The following TRIO variants were observed in gnomAD, a reference collection of about 807,000 sequenced individuals.
TRIO encodes the protein triple functional domain protein.
Under a neutral mutation model 351.9 loss-of-function variants are expected in TRIO, and 58 were observed. The observed-to-expected ratio is 0.16, with a 90% CI of 0.13 to 0.21. The LOEUF is 0.21. TRIO is among the 10% of genes least tolerant of loss of function. The pLI, the probability that TRIO is intolerant of heterozygous loss-of-function variation, is 1.00. For missense variants in TRIO, 3,201 were observed against 4,027.8 expected (o/e 0.79, Z 5.56); for synonymous variants, 1,758 against 1,595.7 (o/e 1.10, Z -2.42).
intron 7 of TRIO, among the ~76,000 whole-genome samples, chr5:14,301,079 C>A (rs1365180409): frequency 6.6e-6 from 1 of 152,052 alleles, no homozygotes; most frequent in African/African-American, 2.4e-5. Context: ...TGAGTGGCTC[C>A]CAGATTGGAG....
intron 1 of TRIO, among the ~76,000 whole-genome samples, chr5:14,208,353 G>A: frequency 6.6e-6 from 1 of 152,228 alleles, no homozygotes; most frequent in East Asian, 1.9e-4. Flanking sequence ...TCTGACACAT[G>A]CCACAACCTG....
chr5:14,227,415 A>G (rs1398512969), intron 1 of TRIO, among the ~76,000 whole-genome samples: 1 of 152,052 alleles, frequency 6.6e-6, no homozygotes, highest in African/African-American at 2.4e-5. Flanking sequence ...TTACAGTGTA[A>G]CTCTAGACTT....
At chr5:14,442,253 A>T (rs560194984) in intron 34 of TRIO, among the ~76,000 whole-genome samples, 1 of 152,162 alleles carries the variant, frequency 6.6e-6, no homozygotes, top group East Asian at 1.9e-4. Flanking sequence ...ATCCGCGTAT[A>T]TGCTTCGGAA....
rs1051241584 is a variant in TRIO, at chr5:14,498,243, C to G, written c.8202C>G (p.Ile2734Met). Residue 2734 changes from isoleucine (I) to methionine (M), a missense_variant, in exon 52 of 57, where the codon ATC (isoleucine) becomes ATG (methionine). Ile to Met is a conservative substitution (Grantham distance 10). Around this residue, in one of 19 missense-constraint regions of TRIO, gnomAD observed 1,089 missense variants for 954.9 expected, o/e 1.14. Transcript: ENST00000344204. ...TGAACAACGATGGTCACTACAGCAT[C>G]TCCTACAGGTGAGGGAGGCCCACTC... Reference protein sequence around the residue: ...NTLNNDGHYSISYSDLGEATL... With the variant: ...NTLNNDGHYSMSYSDLGEATL... 3.1e-6 allele frequency: 5 copies of G among 1,614,120 alleles called. No homozygotes were observed. Among genetic ancestry groups the G allele is most frequent in the Non-Finnish European group, 2.5e-6 (3 of 1,179,940 alleles).
chr5:14,437,461 A>T (rs1751675019), intron 34 of TRIO, among the ~76,000 whole-genome samples: 1 of 152,278 alleles, frequency 6.6e-6, no homozygotes. Flanking sequence ...TCATGCCCTG[A>T]TGAGCTGTGC....
intron 13 of TRIO, 82 bp downstream of exon 13, chr5:14,359,613 C>A: frequency 6.6e-7 from 1 of 1,505,044 alleles, no homozygotes; most frequent in South Asian, 1.3e-5. Context: ...TTGTCTCTGC[C>A]CTGCTGAGGT....
intron 1 of TRIO, among the ~76,000 whole-genome samples, chr5:14,267,181 C>T (rs2152266984): frequency 6.6e-6 from 1 of 152,308 alleles, no homozygotes; most frequent in African/African-American, 2.4e-5. Flanking sequence ...AGTTGCTCTT[C>T]TTTGTCTAGG....
chr5:14,409,580 A>G (rs1466802864), intron 33 of TRIO, among the ~76,000 whole-genome samples: 3 of 152,088 alleles, frequency 2.0e-5, no homozygotes, highest in Non-Finnish European at 2.9e-5. Context: ...CACGCCTGTA[A>G]TCCCAGCACT....
At chr5:14,170,207 TA>T (rs1789012718) in intron 1 of TRIO, among the ~76,000 whole-genome samples, 1 of 152,186 alleles carries the variant, frequency 6.6e-6, no homozygotes, top group African/African-American at 2.4e-5. Context: ...ACTAGACATA[TA>T]AAAAAGACTT....
At chr5:14,321,749 A>C (rs989468558) in intron 9 of TRIO, among the ~76,000 whole-genome samples, 2 of 152,150 alleles carry the variant, frequency 1.3e-5, no homozygotes. Context: ...CATAATTCCC[A>C]CTTGTCATGG....
At chr5:14,490,594 T>C (rs1272739865) in intron 48 of TRIO, among the ~76,000 whole-genome samples, 2 of 152,224 alleles carry the variant, frequency 1.3e-5, no homozygotes, top group African/African-American at 4.8e-5. Flanking sequence ...GCCCTGCCTT[T>C]CTTGCACAGG....
At chr5:14,182,184 G>A (rs762228207) in intron 1 of TRIO, among the ~76,000 whole-genome samples, 10 of 151,952 alleles carry the variant, frequency 6.6e-5, no homozygotes, top group Non-Finnish European at 1.3e-4. Flanking sequence ...ACTTCTCTGT[G>A]TTATTCCTCA....
chr5:14,278,901 A>G (rs929119677), intron 2 of TRIO, among the ~76,000 whole-genome samples: 1 of 152,242 alleles, frequency 6.6e-6, no homozygotes, highest in African/African-American at 2.4e-5. Context: ...CAGTAGTTCG[A>G]AAGATCATGC....
rs371099175 is a variant in TRIO, at chr5:14,235,788, T to C, written c.158-35037T>C. On this transcript the variant is annotated intron_variant, in intron 1 of 56. Coordinates refer to ENST00000344204, the MANE Select transcript of TRIO (RefSeq NM_007118.4). ...ATGGATAGGGGATATAGGCTTTTTG[T>C]GGTTTCACTGATAAAACTGTACATT... 2.0e-5 allele frequency among the ~76,000 whole-genome samples: 3 copies of C among 152,244 alleles called. No individual in the cohort carries two copies. The East Asian group carries it at 5.8e-4, about 29-fold the overall frequency.
At chr5:14,322,756 T>G (rs1740000525) in intron 9 of TRIO, among the ~76,000 whole-genome samples, 1 of 152,232 alleles carries the variant, frequency 6.6e-6, no homozygotes, top group African/African-American at 2.4e-5. Flanking sequence ...GTTTAACACT[T>G]GCTTCTGTTT....
At chr5:14,354,644 A>G (rs1302967278) in intron 11 of TRIO, among the ~76,000 whole-genome samples, 1 of 152,232 alleles carries the variant, frequency 6.6e-6, no homozygotes, top group Non-Finnish European at 1.5e-5. Context: ...CCTTTTTCAG[A>G]TGTACATTTG....
At chr5:14,490,875 T>G (rs1212037518) in intron 48 of TRIO, 1 of 455,856 alleles carries the variant, frequency 2.2e-6, no homozygotes, top group Non-Finnish European at 4.4e-6. Flanking sequence ...TCAGTACTCT[T>G]GGGCATTGCC....
intron 31 of TRIO, among the ~76,000 whole-genome samples, chr5:14,403,034 GA>G (rs2152377002): frequency 6.6e-6 from 1 of 151,286 alleles, no homozygotes; most frequent in African/African-American, 2.4e-5. Context: ...TTGTGGTGGT[GA>G]AGGTGCAGGT....
Position 14,336,415 on chromosome 5 carries a change from T to G in TRIO, c.1855-121T>G, listed in dbSNP as rs1056549070. The G allele has an allele frequency of 2.7e-5, 27 of 1,010,026 alleles. No homozygotes were observed. In the South Asian group the frequency reaches 4.2e-4, roughly 16 times the overall value. The allele number at this position is 1,010,026 out of a possible 1,614,324, so 62.6% of individuals were successfully genotyped here. ...TCTCTCCCCATCATATTTTTCTGTT[T>G]GATTCATGTAAGTGATCAAAAATAT... On this transcript the variant is annotated intron_variant, in intron 10 of 56. Transcript: ENST00000344204.
Sources: allele counts gnomAD v4.1 joint callset (sites outside exome capture counted in the v4.1 genomes callset), GRCh38; gene constraint gnomAD v4.1.1; regional missense constraint gnomAD v4.1.1; transcripts MANE v1.5; gene names NCBI Gene and HGNC (gene_info 2026-07-23, HGNC 2026-07-21).